ACYP2: variants seen among roughly 807,000 people sequenced by gnomAD.
ACYP2 encodes acylphosphatase-2.
ACYP2 carries 12 observed loss-of-function variants against 11.2 expected under a neutral mutation model. The observed-to-expected ratio is 1.08, with a 90% confidence interval of 0.69 to 1.74. The LOEUF (loss-of-function observed/expected upper bound fraction) is 1.74. ACYP2 is among the 40% of genes most tolerant of loss of function. The probability of loss-of-function intolerance (pLI) is 0.00; values close to 1 mark genes in which losing one functional copy is unlikely to be tolerated. For synonymous variants in ACYP2, 43 were observed against 32.2 expected, an observed-to-expected ratio of 1.33 and a Z score of -1.13; for missense variants, 134 against 101.9, an observed-to-expected ratio of 1.31 and a Z score of -1.35.
At chr2:54,253,605 C>T (rs1477477135) in intron 6 of ACYP2, 1 of 152,210 alleles carries the variant, frequency 6.6e-6, no homozygotes, top group African/African-American at 2.4e-5. Flanking sequence ...ACTTCTCTTC[C>T]CATCATAACT....
intron 6 of ACYP2, among the ~76,000 whole-genome samples, chr2:54,152,476 G>A (rs1682226128): frequency 1.3e-5 from 2 of 151,998 alleles, no homozygotes; most frequent in Non-Finnish European, 2.9e-5. Flanking sequence ...ATGTATGATG[G>A]CATGTGTCTA....
At chr2:54,256,332 T>C (rs1025374791) in intron 6 of ACYP2, 8 of 640,104 alleles carry the variant, frequency 1.2e-5, no homozygotes, top group Non-Finnish European at 1.9e-5. Context: ...TCTGTGGTGG[T>C]GTCTTTACGT....
intron 6 of ACYP2, among the ~76,000 whole-genome samples, chr2:54,210,141 CAAAAAAAAAAAAA>C (rs57860939): frequency 2.8e-5 from 2 of 71,002 alleles, no homozygotes; most frequent in Non-Finnish European, 6.0e-5. Flanking sequence ...GACTGTGTCT[CAAAAAAAAAAAAA>C]AAAAAAAAAA....
chr2:54,190,615 C>T (rs1684200726), intron 6 of ACYP2, among the ~76,000 whole-genome samples: 1 of 152,118 alleles, frequency 6.6e-6, no homozygotes, highest in South Asian at 2.1e-4. Flanking sequence ...CAGCCCGCCC[C>T]TCCCAGTCTC....
chr2:54,055,438 G>T (rs573672401), intron 3 of ACYP2, among the ~76,000 whole-genome samples: 1 of 152,206 alleles, frequency 6.6e-6, no homozygotes, highest in African/African-American at 2.4e-5. Flanking sequence ...TGATAATAAT[G>T]TAAACAATTT....
At chr2:54,050,655 A>G (rs1675803365) in intron 2 of ACYP2, among the ~76,000 whole-genome samples, 1 of 152,140 alleles carries the variant, frequency 6.6e-6, no homozygotes, top group African/African-American at 2.4e-5. Flanking sequence ...TAAAAAATGC[A>G]TAGTCATGTA....
chr2:54,275,422 T>C (rs1298362516), intron 6 of ACYP2, among the ~76,000 whole-genome samples: 3 of 152,176 alleles, frequency 2.0e-5, no homozygotes, highest in Non-Finnish European at 4.4e-5. Flanking sequence ...GAGGTAAAAA[T>C]CTCATCAGTA....
At chr2:54,244,087 G>C (rs1022949380) in intron 6 of ACYP2, among the ~76,000 whole-genome samples, 2 of 151,822 alleles carry the variant, frequency 1.3e-5, no homozygotes, top group African/African-American at 4.8e-5. Context: ...AATTTACCTG[G>C]TATATAGTAT....
chr2:53,988,222 A>G (rs1672122203), intron 2 of ACYP2, among the ~76,000 whole-genome samples: 1 of 152,092 alleles, frequency 6.6e-6, no homozygotes, highest in Non-Finnish European at 1.5e-5. Context: ...AATAATAATA[A>G]TAATCAAAAA....
At chr2:54,103,913 G>C (rs1342259212) in intron 4 of ACYP2, among the ~76,000 whole-genome samples, 2 of 152,100 alleles carry the variant, frequency 1.3e-5, no homozygotes, top group African/African-American at 4.8e-5. Flanking sequence ...GCCAGGTCAT[G>C]CAGCAGGCAG....
At chr2:54,104,338 G>T (rs1679046502) in intron 4 of ACYP2, among the ~76,000 whole-genome samples, 1 of 152,144 alleles carries the variant, frequency 6.6e-6, no homozygotes, top group Non-Finnish European at 1.5e-5. Flanking sequence ...AGGAAGAAGT[G>T]GAAATTATCA....
At chr2:54,259,589 A>C (rs1209594572) in intron 6 of ACYP2, among the ~76,000 whole-genome samples, 1 of 151,200 alleles carries the variant, frequency 6.6e-6, no homozygotes, top group Non-Finnish European at 1.5e-5. Flanking sequence ...AGGTCTGAGA[A>C]TTGACCGTCG....
intron 2 of ACYP2, among the ~76,000 whole-genome samples, chr2:54,036,473 G>A (rs1415599031): frequency 6.6e-6 from 1 of 152,202 alleles, no homozygotes; most frequent in Non-Finnish European, 1.5e-5. Flanking sequence ...GTGCCACAGT[G>A]TCTTTTAGCC....
intron 6 of ACYP2, among the ~76,000 whole-genome samples, chr2:54,246,552 C>A (rs1040261664): frequency 6.6e-6 from 1 of 152,134 alleles, no homozygotes; most frequent in African/African-American, 2.4e-5. Flanking sequence ...AATCTAAAAT[C>A]TATTGATATA....
rs372396705 is a variant in ACYP2, at chr2:54,178,018, C to A, written c.404+39270C>A. Among the ~76,000 whole-genome samples the A allele has an allele frequency of 1.1e-4, 16 of 151,302 alleles. No homozygotes were observed. In the East Asian group the frequency reaches 1.2e-3, roughly 11 times the overall value. On this transcript the variant is annotated intron_variant, in intron 6 of 6. Coordinates refer to ENST00000607452, the MANE Select transcript of ACYP2 (RefSeq NM_001320586.2). The stretch of plus-strand genomic sequence containing the variant: ...CTCCCAGATTCAAGCAATTCTCCTG[C>A]CTTAGCCTCCAGAGTAGCTGGGATT...
At chr2:54,269,750 C>T (rs1688197600) in intron 6 of ACYP2, among the ~76,000 whole-genome samples, 1 of 152,208 alleles carries the variant, frequency 6.6e-6, no homozygotes, top group African/African-American at 2.4e-5. Context: ...TGTTCAATAA[C>T]TAGTACAGCT....
At chr2:54,293,397 A>G (rs1689395060) in intron 6 of ACYP2, among the ~76,000 whole-genome samples, 1 of 152,138 alleles carries the variant, frequency 6.6e-6, no homozygotes, top group Non-Finnish European at 1.5e-5. Flanking sequence ...CTTTGATTCA[A>G]TTAGCTGGTT....
At chr2:54,245,983 T>C (rs1440245441) in intron 6 of ACYP2, among the ~76,000 whole-genome samples, 2 of 152,124 alleles carry the variant, frequency 1.3e-5, no homozygotes, top group Non-Finnish European at 2.9e-5. Flanking sequence ...AGTTTTATAG[T>C]TTTAGGTATT....
intron 4 of ACYP2, among the ~76,000 whole-genome samples, chr2:54,119,163 C>T (rs1477290653): frequency 6.8e-6 from 1 of 147,498 alleles, no homozygotes; most frequent in African/African-American, 2.5e-5. Flanking sequence ...GATCTTCCTG[C>T]CTCAGCCTCC....
Sources: gnomAD v4.1 joint callset for allele counts (sites outside exome capture counted in the v4.1 genomes callset) on GRCh38, gnomAD v4.1.1 for gene constraint, MANE v1.5 for transcripts, NCBI Gene and HGNC (gene_info 2026-07-23, HGNC 2026-07-21) for gene names.